Variants in DEPTOR observed in about 807,000 individuals in gnomAD.
DEPTOR encodes DEP domain containing MTOR interacting protein.
DEPTOR carries 41 observed loss-of-function variants against 41.6 expected under a neutral mutation model. The observed-to-expected ratio is 0.98, with a 90% CI of 0.77 to 1.28. The LOEUF is 1.28. Among genes scored for constraint, DEPTOR ranks in the 50% most tolerant of loss-of-function variants. The pLI is 0.00. For missense variants in DEPTOR, 514 were observed against 527.9 expected (o/e 0.97, Z 0.26); for synonymous variants, 195 against 192.3 (o/e 1.01, Z -0.12).
chr8:119,962,310 C>T (rs551629263), intron 3 of DEPTOR, among the ~76,000 whole-genome samples: 2 of 152,186 alleles, frequency 1.3e-5, no homozygotes, highest in African/African-American at 4.8e-5. Context: ...CAAACATGGA[C>T]TCAACCTTCT....
At chr8:120,033,783 A>G (rs535625750) in intron 8 of DEPTOR, among the ~76,000 whole-genome samples, 11 of 152,308 alleles carry the variant, frequency 7.2e-5, no homozygotes, top group Middle Eastern at 3.4e-3. Flanking sequence ...TCTTTAGCCA[A>G]GTCAGTATGG....
intron 4 of DEPTOR, among the ~76,000 whole-genome samples, chr8:119,988,607 C>T (rs562080292): frequency 1.5e-4 from 23 of 152,242 alleles, no homozygotes; most frequent in African/African-American, 4.1e-4. Flanking sequence ...CTCAGCCTCC[C>T]GAGTAGCTGG....
chr8:120,028,404 A>G (rs1812834041), intron 8 of DEPTOR, among the ~76,000 whole-genome samples: 1 of 146,102 alleles, frequency 6.8e-6, no homozygotes, highest in Non-Finnish European at 1.5e-5. Context: ...GCTCCACTTG[A>G]TGTAAAAATT....
chr8:119,928,743 CT>C (rs376801517), intron 2 of DEPTOR, among the ~76,000 whole-genome samples, 165 bp downstream of exon 2: 23,791 of 127,828 alleles, frequency 0.19, 1,718 homozygotes, highest in Middle Eastern at 0.32. Context: ...TGGGTTCTTT[CT>C]TTTTTTTTTT....
chr8:119,965,226 TCCCA>T lies in DEPTOR; in HGVS notation c.426-5_426-2del. 6.2e-7 allele frequency: 1 copy of T among 1,603,618 alleles called. No homozygotes were observed. The highest frequency in any genetic ancestry group is 8.5e-7 in the Non-Finnish European group (1 of 1,177,118). ...TTACTTTTCTTTTCCCTTTTTTTCTTCCCAGGCTGATGAGCCCTGAAAACACACT... is the reference window on the plus strand; with the variant it reads ...TTACTTTTCTTTTCCCTTTTTTTCTTGGCTGATGAGCCCTGAAAACACACT... On this transcript the variant is annotated splice_acceptor_variant and splice_polypyrimidine_tract_variant and intron_variant, in intron 3 of 8. Transcript: ENST00000286234. LOFTEE classifies it high-confidence loss of function.
intron 3 of DEPTOR, among the ~76,000 whole-genome samples, chr8:119,962,030 CAGG>C (rs1454237259): frequency 7.1e-6 from 1 of 141,330 alleles, no homozygotes; most frequent in Non-Finnish European, 1.5e-5. Context: ...CACTTGAGGT[CAGG>C]AGTTTGAGAC....
chr8:119,882,299 G>C (rs1417981284), intron 1 of DEPTOR, among the ~76,000 whole-genome samples: 1 of 151,948 alleles, frequency 6.6e-6, no homozygotes, highest in Non-Finnish European at 1.5e-5. Flanking sequence ...GAGAATGCAA[G>C]GTGAAGGAAG....
Position 120,049,720 on chromosome 8 carries a change from A to C in DEPTOR, c.*16A>C, listed in dbSNP as rs761399741. The stretch of plus-strand genomic sequence containing the variant: ...AGAGTGCTGAGCTCCTGGGCCTCCC[A>C]GCCCTCCAGTGGCCTGTGGGTGAGG... On this transcript the variant is annotated 3_prime_UTR_variant, in exon 9 of 9. Transcript: ENST00000286234. 1.2e-5 allele frequency: 20 copies of C among 1,613,258 alleles called. No homozygotes were observed. The African/African-American group carries it at 2.4e-4, about 19-fold the overall frequency.
intron 8 of DEPTOR, among the ~76,000 whole-genome samples, chr8:120,027,660 G>A (rs1389062443): frequency 2.0e-5 from 3 of 151,496 alleles, no homozygotes; most frequent in South Asian, 2.1e-4. Flanking sequence ...AGCCGAGATT[G>A]CACCACTGCA....
intron 1 of DEPTOR, among the ~76,000 whole-genome samples, chr8:119,886,952 T>C (rs766494643): frequency 1.5e-4 from 23 of 152,146 alleles, no homozygotes; most frequent in Non-Finnish European, 2.1e-4. Context: ...AGATACCAAG[T>C]GAAATAAGAG....
chr8:119,993,573 T>G (rs1180754726), intron 4 of DEPTOR, among the ~76,000 whole-genome samples: 1 of 152,174 alleles, frequency 6.6e-6, no homozygotes. Context: ...TTTGTCCTGT[T>G]TACAGATAAA....
intron 8 of DEPTOR, among the ~76,000 whole-genome samples, chr8:120,048,018 G>A (rs1205975966): frequency 6.7e-6 from 1 of 148,998 alleles, no homozygotes; most frequent in Middle Eastern, 3.2e-3. Context: ...GGGCAACAGA[G>A]GGAGACTCCA....
intron 3 of DEPTOR, among the ~76,000 whole-genome samples, chr8:119,939,237 C>T (rs1187893844): frequency 1.3e-5 from 2 of 152,238 alleles, no homozygotes; most frequent in East Asian, 3.9e-4. Context: ...AGCCCTAGGT[C>T]ACCTAACTTT....
intron 1 of DEPTOR, among the ~76,000 whole-genome samples, chr8:119,896,269 CA>C (rs1351624339): frequency 2.0e-5 from 3 of 152,056 alleles, no homozygotes; most frequent in Admixed American, 6.5e-5. Context: ...AATGAGAAAG[CA>C]AAGGCTTAGA....
chr8:119,898,861 C>T (rs886950149), intron 1 of DEPTOR, among the ~76,000 whole-genome samples: 1 of 152,070 alleles, frequency 6.6e-6, no homozygotes, highest in African/African-American at 2.4e-5. Flanking sequence ...GTTATTTTCC[C>T]CTCAGCATAG....
At chr8:120,035,873 TAG>T (rs1204551285) in intron 8 of DEPTOR, among the ~76,000 whole-genome samples, 8 of 152,182 alleles carry the variant, frequency 5.3e-5, no homozygotes, top group African/African-American at 1.9e-4. Context: ...AACCACCAGA[TAG>T]AGAGAATGCT....
At chr8:119,944,397 A>G (rs1828242011) in intron 3 of DEPTOR, among the ~76,000 whole-genome samples, 2 of 152,204 alleles carry the variant, frequency 1.3e-5, no homozygotes, top group African/African-American at 4.8e-5. Flanking sequence ...TTGTAAGAGC[A>G]TGGAATATGG....
At chr8:119,952,314 C>T (rs1828363489) in intron 3 of DEPTOR, among the ~76,000 whole-genome samples, 2 of 152,178 alleles carry the variant, frequency 1.3e-5, no homozygotes, top group Admixed American at 1.3e-4. Context: ...ATATGAATGA[C>T]AGCCAGGCAC....
chr8:119,938,973 C>CTG (rs1554674959), intron 3 of DEPTOR, among the ~76,000 whole-genome samples: 7 of 149,748 alleles, frequency 4.7e-5, no homozygotes, highest in East Asian at 3.9e-4. Context: ...CTCTCTCTCT[C>CTG]TGTGTTTCTC....
Sources: gnomAD v4.1 joint callset for allele counts (sites outside exome capture counted in the v4.1 genomes callset) on GRCh38, gnomAD v4.1.1 for gene constraint, MANE v1.5 for transcripts, NCBI Gene and HGNC (gene_info 2026-07-23, HGNC 2026-07-21) for gene names.